MOXD1: variants seen among roughly 807,000 people sequenced by gnomAD.
The protein encoded by MOXD1 is DBH-like monooxygenase protein 1.
A neutral mutation model predicts 66.6 loss-of-function variants in MOXD1; 62 were observed. The ratio of observed to expected loss-of-function variants is 0.93; its 90% CI spans 0.76 to 1.15. MOXD1 has a LOEUF of 1.15. Ranked by LOEUF, MOXD1 falls within the 50% of genes most tolerant of loss-of-function variation. The probability of loss-of-function intolerance (pLI) is 0.00; values close to 1 mark genes in which losing one functional copy is unlikely to be tolerated. For missense variants in MOXD1, 847 were observed against 754.6 expected (o/e 1.12, Z -1.44); for synonymous variants, 303 against 281.9 (o/e 1.07, Z -0.75).
Position 132,321,921 on chromosome 6 carries a change from C to T in MOXD1, c.1305+758G>A, listed in dbSNP as rs529758144. On this transcript the variant is annotated intron_variant, in intron 8 of 11. Coordinates refer to ENST00000367963, the MANE Select transcript of MOXD1 (RefSeq NM_015529.4). Reference sequence around the variant, plus strand: ...CACTTTCTTCTGTTTTTTCAGCTTTCCTTTTACATCCTATTGTGCCATGTC... The same window carrying T: ...CACTTTCTTCTGTTTTTTCAGCTTTTCTTTTACATCCTATTGTGCCATGTC... Among the ~76,000 whole-genome samples the T allele has an allele frequency of 2.9e-3, 448 of 152,288 alleles. 1 individual carries two copies. Among genetic ancestry groups the T allele is most frequent in the African/African-American group, 9.7e-3 (404 of 41,562 alleles).
chr6:132,376,421 T>C (rs983394277), intron 1 of MOXD1, among the ~76,000 whole-genome samples: 3 of 152,136 alleles, frequency 2.0e-5, no homozygotes, highest in Non-Finnish European at 1.5e-5. Context: ...AGATTTTCTT[T>C]AGTATGTTAA....
chr6:132,302,143 A>G (rs1459727979), intron 10 of MOXD1, among the ~76,000 whole-genome samples: 3 of 152,184 alleles, frequency 2.0e-5, no homozygotes, highest in African/African-American at 7.2e-5. Context: ...GCAATGAACA[A>G]CTAGAAGATT....
chr6:132,297,837 T>C lies in MOXD1; in HGVS notation c.1627A>G (p.Ser543Gly). Reference protein sequence around the residue: ...EGLSFNKLVLSLPVNVRCSKT... With the variant: ...EGLSFNKLVLGLPVNVRCSKT... The stretch of plus-strand genomic sequence containing the variant: ...GAACATCTCACATTCACTGGCAGGC[T>C]GAGGACCAGCTTGTTGAAGGAGAGA... The change falls in exon 11 of 12, where the codon AGC becomes GGC. Residue 543 changes from serine (S) to glycine (G), a missense_variant. Physicochemically the swap from Ser to Gly is moderately conservative, Grantham distance 56. Coordinates refer to ENST00000367963, the MANE Select transcript of MOXD1 (RefSeq NM_015529.4). 1 of 1,613,300 alleles carries C rather than the reference T, an allele frequency of 6.2e-7. No individual in the cohort carries two copies. Among genetic ancestry groups the C allele is most frequent in the Non-Finnish European group, 8.5e-7 (1 of 1,179,578 alleles).
intron 4 of MOXD1, 83 bp from the exon 5 acceptor site, chr6:132,328,677 A>G (rs1173319487): frequency 7.8e-7 from 1 of 1,282,778 alleles, no homozygotes; most frequent in African/African-American, 1.5e-5. Context: ...ACTAGCATAA[A>G]TTACTGTCAG....
intron 4 of MOXD1, among the ~76,000 whole-genome samples, chr6:132,342,199 A>G (rs1775577647): frequency 6.6e-6 from 1 of 152,078 alleles, no homozygotes; most frequent in Non-Finnish European, 1.5e-5. Context: ...ATGGGGTTTC[A>G]CCATGTTGGC....
chr6:132,377,738 A>C (rs535629525), intron 1 of MOXD1, among the ~76,000 whole-genome samples: 3 of 152,268 alleles, frequency 2.0e-5, no homozygotes, highest in Non-Finnish European at 4.4e-5. Flanking sequence ...AAAGAAGCTC[A>C]TATCTTCAAC....
intron 1 of MOXD1, among the ~76,000 whole-genome samples, chr6:132,396,916 G>A (rs947321772): frequency 1.3e-5 from 2 of 152,142 alleles, no homozygotes; most frequent in African/African-American, 4.8e-5. Flanking sequence ...CAAGACTTGG[G>A]GCTTCACTGC....
At position 132,326,834 on chromosome 6, in the gene MOXD1, T is replaced by C. The variant is rs561145215; in HGVS notation, c.946+1179A>G. ...TTGGCTTGCTCACAAATAGAATAGC[T>C]TGACACCTACTTTTATAGAAACATC... On this transcript the variant is annotated intron_variant, in intron 6 of 11. Coordinates refer to ENST00000367963, the MANE Select transcript of MOXD1 (RefSeq NM_015529.4). Among the ~76,000 whole-genome samples the C allele has an allele frequency of 2.0e-5, 3 of 152,344 alleles. No homozygotes were observed. The South Asian group carries it at 6.2e-4, about 32-fold the overall frequency.
chr6:132,388,915 G>A (rs747858746), intron 1 of MOXD1, among the ~76,000 whole-genome samples: 4 of 151,274 alleles, frequency 2.6e-5, no homozygotes, highest in South Asian at 2.1e-4. Context: ...AGCTGGTACC[G>A]GTTGACAAAA....
At chr6:132,317,938 A>T (rs992505055) in intron 9 of MOXD1, among the ~76,000 whole-genome samples, 2 of 152,128 alleles carry the variant, frequency 1.3e-5, no homozygotes, top group Non-Finnish European at 2.9e-5. Context: ...CTTTACATAC[A>T]TAATATCACA....
At chr6:132,312,312 G>T (rs1774847218) in intron 10 of MOXD1, among the ~76,000 whole-genome samples, 1 of 152,046 alleles carries the variant, frequency 6.6e-6, no homozygotes, top group Non-Finnish European at 1.5e-5. Flanking sequence ...GAATAGAAGA[G>T]TTTTGTTCAT....
chr6:132,341,432 T>G (rs1344333144), intron 4 of MOXD1, among the ~76,000 whole-genome samples: 3 of 152,218 alleles, frequency 2.0e-5, no homozygotes, highest in Non-Finnish European at 2.9e-5. Flanking sequence ...CAACACAGAC[T>G]AAGACATGTT....
At chr6:132,350,756 G>A (rs1562290538) in intron 4 of MOXD1, among the ~76,000 whole-genome samples, 2 of 152,192 alleles carry the variant, frequency 1.3e-5, no homozygotes, top group South Asian at 2.1e-4. Flanking sequence ...CCATCCATAA[G>A]CATGGGATGT....
intron 10 of MOXD1, among the ~76,000 whole-genome samples, chr6:132,303,839 A>ATATATATATATATATATATATG (rs1774620876): frequency 2.4e-5 from 1 of 41,146 alleles, no homozygotes; most frequent in Non-Finnish European, 4.2e-5. Context: ...GTGTGTGTAT[A>ATATATATATATATATATATATG]TATATATATA....
At chr6:132,329,574 T>G (rs936648164) in intron 4 of MOXD1, among the ~76,000 whole-genome samples, 1 of 152,112 alleles carries the variant, frequency 6.6e-6, no homozygotes, top group Non-Finnish European at 1.5e-5. Flanking sequence ...AGAGGTGAGA[T>G]CTCATTTATC....
chr6:132,323,863 T>C (rs1404181780), intron 7 of MOXD1, 68 bp downstream of exon 7: 14 of 1,441,500 alleles, frequency 9.7e-6, no homozygotes, highest in Non-Finnish European at 1.3e-5. Context: ...TGCGGAATTT[T>C]TCACACCACA....
intron 1 of MOXD1, among the ~76,000 whole-genome samples, chr6:132,387,754 A>T (rs1240941483): frequency 8.9e-5 from 13 of 146,546 alleles, no homozygotes; most frequent in Non-Finnish European, 1.5e-4. Flanking sequence ...CTCCATCTAA[A>T]AAAAAAAAAA....
intron 4 of MOXD1, among the ~76,000 whole-genome samples, chr6:132,356,924 C>T (rs1775920179): frequency 6.6e-6 from 1 of 151,912 alleles, no homozygotes; most frequent in Admixed American, 6.6e-5. Flanking sequence ...AGAAAGAGGG[C>T]ACTACTACTT....
chr6:132,303,737 T>G (rs9493279), intron 10 of MOXD1, among the ~76,000 whole-genome samples: 2,842 of 66,734 alleles, frequency 0.043, 122 homozygotes, highest in African/African-American at 0.24. Flanking sequence ...ACACACACAT[T>G]TATTTATACA....
Sources: gnomAD v4.1 joint callset for allele counts (sites outside exome capture counted in the v4.1 genomes callset) on GRCh38, gnomAD v4.1.1 for gene constraint, MANE v1.5 for transcripts, NCBI Gene and HGNC (gene_info 2026-07-23, HGNC 2026-07-21) for gene names.